The following EBF3 variants were observed in gnomAD, a reference collection of about 807,000 sequenced individuals.
EBF3 encodes EBF transcription factor 3.
In EBF3, 18 loss-of-function variants were observed where a neutral mutation model predicts 77.1. The observed-to-expected ratio is 0.23, with a 90% CI of 0.16 to 0.35. EBF3 has a LOEUF of 0.35. Ranked by LOEUF, EBF3 falls within the 10% of genes least tolerant of loss-of-function variation. EBF3 has a pLI of 1.00. For missense variants in EBF3, 558 were observed against 860.0 expected (o/e 0.65, Z 4.39); for synonymous variants, 350 against 343.5 (o/e 1.02, Z -0.21).
chr10:129,926,291 CAGTG>C (rs1389918920), intron 6 of EBF3, among the ~76,000 whole-genome samples: 1 of 152,188 alleles, frequency 6.6e-6, no homozygotes, highest in Non-Finnish European at 1.5e-5. Context: ...GCATGGACTC[CAGTG>C]GGGAAGGGAG....
At chr10:129,875,184 CTTCTTTTT>C (rs1852671167) in intron 7 of EBF3, among the ~76,000 whole-genome samples, 1 of 117,624 alleles carries the variant, frequency 8.5e-6, no homozygotes, top group African/African-American at 3.3e-5. Flanking sequence ...GTGATGGCTT[CTTCTTTTT>C]TTTTTTTTTT....
At chr10:129,934,069 C>T (rs750576752) in intron 6 of EBF3, among the ~76,000 whole-genome samples, 1 of 152,154 alleles carries the variant, frequency 6.6e-6, no homozygotes, top group African/African-American at 2.4e-5. Context: ...GAAGCAATGT[C>T]CCTGCTTCTC....
intron 5 of EBF3, 124 bp downstream of exon 5, chr10:129,958,810 T>C: frequency 7.6e-7 from 1 of 1,318,284 alleles, no homozygotes; most frequent in South Asian, 1.6e-5. Context: ...TCGGGCCGAT[T>C]ACATTTCAAT....
rs144337631 is a variant in EBF3, at chr10:129,848,208, C to T, written c.1128+184G>A. Among the ~76,000 whole-genome samples the T allele has an allele frequency of 1.3e-5, 2 of 152,326 alleles. No homozygotes were observed. Among genetic ancestry groups the T allele is most frequent in the East Asian group, 1.9e-4 (1 of 5,180 alleles). On this transcript the variant is annotated intron_variant, in intron 11 of 16. Transcript: ENST00000440978. The surrounding 1 kb of genome is among the most constrained non-coding windows in gnomAD (Gnocchi z 4.4). ...GCCGTCTACGCCTTCTCTCACCCTT[C>T]GCCCACCTCTGAAGCTGGTCAGGTG...
chr10:129,961,387 C>G (rs1359766535), intron 4 of EBF3, among the ~76,000 whole-genome samples: 2 of 152,174 alleles, frequency 1.3e-5, no homozygotes, highest in African/African-American at 4.8e-5. Context: ...AACACACCAC[C>G]CAGCACAAAA....
chr10:129,963,026 T>C lies in EBF3; in HGVS notation c.292-21A>G, dbSNP rs1338341631. ...GGCTCCTGAAAGTAACGATAAATAA[T>C]TGCATTTAGTGCGATCGGTGTCAGG... On this transcript the variant is annotated intron_variant, in intron 2 of 16. Transcript: ENST00000440978. The surrounding 1 kb of genome is among the most constrained non-coding windows in gnomAD (Gnocchi z 7.1). 9 of 1,613,936 alleles carry C rather than the reference T, an allele frequency of 5.6e-6. 1 individual carries two copies. Among genetic ancestry groups the C allele is most frequent in the Non-Finnish European group, 7.6e-6 (9 of 1,179,964 alleles).
intron 6 of EBF3, among the ~76,000 whole-genome samples, chr10:129,909,758 G>A (rs368319456): frequency 6.6e-6 from 1 of 152,110 alleles, no homozygotes; most frequent in Non-Finnish European, 1.5e-5. Context: ...ACCGTCAGCC[G>A]CCAAGGCCCT....
chr10:129,914,485 C>T (rs1196386994), intron 6 of EBF3, among the ~76,000 whole-genome samples: 1 of 152,172 alleles, frequency 6.6e-6, no homozygotes, highest in African/African-American at 2.4e-5. Flanking sequence ...GAAGCCACTC[C>T]AGCAGTGAGA....
intron 6 of EBF3, among the ~76,000 whole-genome samples, chr10:129,929,344 A>G (rs1271957885): frequency 6.6e-6 from 1 of 152,100 alleles, no homozygotes; most frequent in Admixed American, 6.5e-5. Flanking sequence ...AGCTGGAACT[A>G]CAGGCACCTG....
intron 8 of EBF3, 100 bp downstream of exon 8, chr10:129,873,352 C>G: frequency 1.5e-6 from 2 of 1,323,092 alleles, no homozygotes; most frequent in East Asian, 5.6e-5. Flanking sequence ...TGACCAAGGG[C>G]GGGGGCCTGG....
At chr10:129,871,642 A>G (rs1334799020) in intron 8 of EBF3, among the ~76,000 whole-genome samples, 3 of 152,152 alleles carry the variant, frequency 2.0e-5, no homozygotes, top group African/African-American at 7.2e-5. Flanking sequence ...CTTAAAAGGA[A>G]CTTCCTAAGT....
In EBF3 at chr10:129,873,543, G is replaced by A. The variant is rs768755443; in HGVS notation, c.690C>T (p.Asp230=). 1 of 1,590,090 alleles carries A rather than the reference G, an allele frequency of 6.3e-7. No individual in the cohort carries two copies. The highest frequency in any genetic ancestry group is 8.6e-7 in the Non-Finnish European group (1 of 1,165,284). The change falls in exon 8 of 17, where the codon GAC becomes GAT. Residue 230 remains aspartate, a synonymous_variant. Coordinates refer to ENST00000440978, the MANE Select transcript of EBF3 (RefSeq NM_001375380.1). ...NVDGHVLAVS[D]NMFVHNNSKH... ...TGGAATTGTTGTGCACAAACATGTTGTCTGACACGGCCAGCACGTGGCCGT... is the reference window on the plus strand; with the variant it reads ...TGGAATTGTTGTGCACAAACATGTTATCTGACACGGCCAGCACGTGGCCGT...
intron 8 of EBF3, among the ~76,000 whole-genome samples, chr10:129,872,607 C>T (rs1037433965): frequency 2.0e-5 from 3 of 152,114 alleles, no homozygotes; most frequent in Admixed American, 1.3e-4. Context: ...CTAAAGGATT[C>T]GATCATGCTG....
In EBF3 at chr10:129,943,642, G is replaced by A. The variant is rs1857956157; in HGVS notation, c.554+13616C>T. ...CGGCGTGCACATCCAAAGTTTGAGT[G>A]TGTGAGACTTTTCCTCATTTATTTT... On this transcript the variant is annotated intron_variant, in intron 6 of 16. Coordinates refer to ENST00000440978, the MANE Select transcript of EBF3 (RefSeq NM_001375380.1). The surrounding 1 kb of genome is among the most constrained non-coding windows in gnomAD (Gnocchi z 8.8). 6.6e-6 allele frequency among the ~76,000 whole-genome samples: 1 copy of A among 152,096 alleles called. No homozygotes were observed. The highest frequency in any genetic ancestry group is 1.5e-5 in the Non-Finnish European group (1 of 68,020).
intron 15 of EBF3, 55 bp downstream of exon 15, chr10:129,840,189 CA>C: frequency 6.8e-7 from 1 of 1,471,438 alleles, no homozygotes; most frequent in Non-Finnish European, 9.2e-7. Flanking sequence ...CCCCCACTCC[CA>C]TCCCCACCCC....
chr10:129,942,920 G>C lies in EBF3; in HGVS notation c.554+14338C>G, dbSNP rs534363613. Among the ~76,000 whole-genome samples the C allele has an allele frequency of 5.9e-5, 9 of 152,320 alleles. 1 individual carries two copies. Among genetic ancestry groups the C allele is most frequent in the African/African-American group, 2.2e-4 (9 of 41,572 alleles). ...GCGTTTGTTTTGAAGCCAGTTGCCAGATCACGCGTTGACATTAATTCAGCA... is the reference window on the plus strand; with the variant it reads ...GCGTTTGTTTTGAAGCCAGTTGCCACATCACGCGTTGACATTAATTCAGCA... On this transcript the variant is annotated intron_variant, in intron 6 of 16. Coordinates refer to ENST00000440978, the MANE Select transcript of EBF3 (RefSeq NM_001375380.1).
At chr10:129,903,115 T>G (rs1371396740) in intron 6 of EBF3, among the ~76,000 whole-genome samples, 1 of 152,262 alleles carries the variant, frequency 6.6e-6, no homozygotes, top group Non-Finnish European at 1.5e-5. Flanking sequence ...TTTCACCTTT[T>G]TCTTGACATC....
In EBF3 at chr10:129,935,103, G is replaced by A. The variant is rs530153585; in HGVS notation, c.554+22155C>T. ...ACACATTAGCTGTAGCTGGTGGTCC[G>A]GTTCCCTAAGAACCGGACCCTCTAG... On this transcript the variant is annotated intron_variant, in intron 6 of 16. Transcript: ENST00000440978. The surrounding 1 kb of genome is among the most constrained non-coding windows in gnomAD (Gnocchi z 4.2). Among the ~76,000 whole-genome samples the A allele has an allele frequency of 1.2e-4, 19 of 152,226 alleles. No homozygotes were observed. Among genetic ancestry groups the A allele is most frequent in the South Asian group, 4.2e-4 (2 of 4,818 alleles).
chr10:129,882,356 A>G (rs913979381), intron 6 of EBF3, among the ~76,000 whole-genome samples: 9 of 152,266 alleles, frequency 5.9e-5, no homozygotes, highest in African/African-American at 1.9e-4. Context: ...GGTGTTGTTC[A>G]GGACAATCAG....
Sources: allele counts gnomAD v4.1 joint callset (sites outside exome capture counted in the v4.1 genomes callset), GRCh38; gene constraint gnomAD v4.1.1; non-coding constraint Gnocchi (gnomAD v3.1); transcripts MANE v1.5; gene names NCBI Gene and HGNC (gene_info 2026-07-23, HGNC 2026-07-21).